PREX1: variants seen among roughly 807,000 people sequenced by gnomAD.
PREX1 encodes phosphatidylinositol-3,4,5-trisphosphate dependent Rac exchange factor 1.
PREX1 carries 41 observed loss-of-function variants against 198.3 expected under a neutral mutation model. The observed-to-expected ratio is 0.21, with a 90% confidence interval of 0.16 to 0.27. The LOEUF is 0.27. Ranked by LOEUF, PREX1 falls within the 10% of genes least tolerant of loss-of-function variation. PREX1 has a pLI of 1.00. For missense variants in PREX1, 1,620 were observed against 2,200.7 expected (o/e 0.74, Z 5.28); for synonymous variants, 843 against 887.2 (o/e 0.95, Z 0.89).
chr20:48,744,036 G>A (rs1016362933), intron 3 of PREX1, among the ~76,000 whole-genome samples: 1 of 146,754 alleles, frequency 6.8e-6, no homozygotes, highest in Non-Finnish European at 1.5e-5. Flanking sequence ...ATGATGATGA[G>A]TTAACAGTGG....
intron 3 of PREX1, among the ~76,000 whole-genome samples, chr20:48,739,746 A>T (rs1354304032): frequency 6.6e-6 from 1 of 152,186 alleles, no homozygotes. Context: ...ACATAAGAGT[A>T]AAAAACACAG....
chr20:48,860,637 G>A, the PREX1 span, among the ~76,000 whole-genome samples: 2 of 152,010 alleles, frequency 1.3e-5, no homozygotes, highest in Admixed American at 6.6e-5. Flanking sequence ...TCAGGAGATC[G>A]AGACCATCCT....
At chr20:48,888,156 T>C in the PREX1 span, among the ~76,000 whole-genome samples, 2 of 152,076 alleles carry the variant, frequency 1.3e-5, no homozygotes, top group Non-Finnish European at 2.9e-5. Flanking sequence ...AAAGCACTTC[T>C]TACATGGTGG....
chr20:48,773,117 A>G (rs2090244295), intron 1 of PREX1, among the ~76,000 whole-genome samples: 1 of 152,054 alleles, frequency 6.6e-6, no homozygotes. Context: ...AAATACAAAA[A>G]TTATCTGGGT....
intron 39 of PREX1, among the ~76,000 whole-genome samples, chr20:48,626,296 T>C (rs750944316): frequency 6.6e-6 from 1 of 152,116 alleles, no homozygotes; most frequent in Non-Finnish European, 1.5e-5. Context: ...TATGCAGAGA[T>C]GGTTTTGGAG....
chr20:48,860,910 T>A, the PREX1 span, among the ~76,000 whole-genome samples: 1 of 151,498 alleles, frequency 6.6e-6, no homozygotes, highest in African/African-American at 2.4e-5. Flanking sequence ...GTGGGAGGAT[T>A]GCTTGAGGGC....
intron 20 of PREX1, 83 bp downstream of exon 20, chr20:48,653,278 T>C: frequency 6.5e-7 from 1 of 1,549,128 alleles, no homozygotes; most frequent in Non-Finnish European, 8.8e-7. Flanking sequence ...ATGCAGGCTT[T>C]TCTCTAAAGA....
At chr20:48,658,593 G>T (rs2089563772) in intron 16 of PREX1, among the ~76,000 whole-genome samples, 1 of 152,216 alleles carries the variant, frequency 6.6e-6, no homozygotes, top group Non-Finnish European at 1.5e-5. Context: ...AACAGACATT[G>T]ATTGAGATGC....
At chr20:48,816,000 ACT>A (rs772786374) in intron 1 of PREX1, among the ~76,000 whole-genome samples, 1 of 145,476 alleles carries the variant, frequency 6.9e-6, no homozygotes, top group South Asian at 2.2e-4. Flanking sequence ...ACAGAGTGAG[ACT>A]CTGTCTCAAA....
intron 5 of PREX1, among the ~76,000 whole-genome samples, chr20:48,711,989 C>G (rs769311821): frequency 6.6e-6 from 1 of 152,228 alleles, no homozygotes; most frequent in Non-Finnish European, 1.5e-5. Context: ...AGCCACCATG[C>G]TGCCCTGGAC....
chr20:48,714,802 G>C (rs1320881913), intron 5 of PREX1, among the ~76,000 whole-genome samples: 2 of 152,180 alleles, frequency 1.3e-5, no homozygotes, highest in Admixed American at 6.5e-5. Context: ...TGTTGTGTAA[G>C]TCAGCTTGGG....
chr20:48,676,869 C>T (rs1308829131), intron 13 of PREX1, among the ~76,000 whole-genome samples: 1 of 152,200 alleles, frequency 6.6e-6, no homozygotes, highest in Non-Finnish European at 1.5e-5. Flanking sequence ...CTGCAAGGGG[C>T]TGGTGTGGTC....
the PREX1 span, among the ~76,000 whole-genome samples, chr20:48,872,270 T>G: frequency 0.32 from 48,498 of 151,794 alleles, 7,996 homozygotes; most frequent in African/African-American, 0.38. Flanking sequence ...TCACACCATG[T>G]TGTGGTTTTT....
At chr20:48,753,803 T>A (rs1287375376) in intron 1 of PREX1, among the ~76,000 whole-genome samples, 1 of 151,790 alleles carries the variant, frequency 6.6e-6, no homozygotes, top group Non-Finnish European at 1.5e-5. Flanking sequence ...GCAGGAGAGG[T>A]CCCTCCTCTC....
chr20:48,846,600 C>T, the PREX1 span, among the ~76,000 whole-genome samples: 4 of 152,292 alleles, frequency 2.6e-5, no homozygotes, highest in South Asian at 6.2e-4. Flanking sequence ...GCCAGGCAGC[C>T]GCTCCTGGCG....
intron 23 of PREX1, 83 bp from the exon 24 acceptor site, chr20:48,650,289 T>C (rs2089484155): frequency 1.5e-6 from 2 of 1,375,320 alleles, no homozygotes; most frequent in Admixed American, 1.9e-5. Flanking sequence ...CACTTTATCC[T>C]GGCCTAGGCC....
Position 48,719,227 on chromosome 20 carries a change from C to T in PREX1, c.621+7063G>A, listed in dbSNP as rs370725288. 3.9e-5 allele frequency among the ~76,000 whole-genome samples: 6 copies of T among 152,176 alleles called. 1 individual carries two copies. Among genetic ancestry groups the T allele is most frequent in the Admixed American group, 2.0e-4 (3 of 15,286 alleles). The stretch of plus-strand genomic sequence containing the variant: ...AAAGTAGAATCCAGGTTGGACCCCA[C>T]AAAAGGTGATCTAGGAAGGCTCCTT... On this transcript the variant is annotated intron_variant, in intron 5 of 39. Coordinates refer to ENST00000371941, the MANE Select transcript of PREX1 (RefSeq NM_020820.4).
intron 5 of PREX1, among the ~76,000 whole-genome samples, chr20:48,719,911 C>G (rs1383017469): frequency 6.6e-6 from 1 of 152,150 alleles, no homozygotes; most frequent in African/African-American, 2.4e-5. Context: ...TCCCACCTCA[C>G]CAAGATGGAA....
intron 1 of PREX1, among the ~76,000 whole-genome samples, chr20:48,817,999 T>C (rs1041255220): frequency 6.6e-6 from 1 of 151,188 alleles, no homozygotes; most frequent in Non-Finnish European, 1.5e-5. Context: ...AAGGAAGAAA[T>C]GGTGAGGTGG....
Sources: gnomAD v4.1 joint callset for allele counts (sites outside exome capture counted in the v4.1 genomes callset) on GRCh38, gnomAD v4.1.1 for gene constraint, MANE v1.5 for transcripts, NCBI Gene and HGNC (gene_info 2026-07-23, HGNC 2026-07-21) for gene names.